The following CNBD2 variants were observed in gnomAD, a reference collection of about 807,000 sequenced individuals.
The protein encoded by CNBD2 is cyclic nucleotide-binding domain-containing protein 2.
A neutral mutation model predicts 63.7 loss-of-function variants in CNBD2; 64 were observed. The ratio of observed to expected loss-of-function variants is 1.00; its 90% CI spans 0.82 to 1.24. The LOEUF (loss-of-function observed/expected upper bound fraction) is 1.24, where lower values mean the gene tolerates loss of function less well. Among genes scored for constraint, CNBD2 ranks in the 50% most tolerant of loss-of-function variants. The probability of loss-of-function intolerance (pLI) is 0.00; values close to 1 mark genes in which losing one functional copy is unlikely to be tolerated. For synonymous variants in CNBD2, 229 were observed against 255.4 expected (o/e 0.90, Z 0.99); for missense variants, 691 against 713.5 (o/e 0.97, Z 0.36).
At position 35,995,315 on chromosome 20, in the gene CNBD2, C is replaced by T. The variant is rs139232230; in HGVS notation, c.970+163C>T. ...AACCCAGTCTGCAAGGCCCTGCCCT[C>T]CTTTCCAGCCTTTTTTTTTTATTGA... On this transcript the variant is annotated intron_variant, in intron 8 of 11. Transcript: ENST00000373973. 5.9e-3 allele frequency among the ~76,000 whole-genome samples: 889 copies of T among 151,636 alleles called. 10 individuals carry two copies. The highest frequency in any genetic ancestry group is 0.01 in the Admixed American group (159 of 15,284).
chr20:35,983,243 A>T (rs1226227981), intron 4 of CNBD2, among the ~76,000 whole-genome samples: 1 of 151,800 alleles, frequency 6.6e-6, no homozygotes, highest in Non-Finnish European at 1.5e-5. Context: ...GCTGGGATTA[A>T]CAGGCGTGTG....
chr20:36,014,798 A>AT (rs1016928514), intron 10 of CNBD2, among the ~76,000 whole-genome samples: 7 of 150,596 alleles, frequency 4.6e-5, no homozygotes, highest in Non-Finnish European at 1.0e-4. Context: ...TGCCCAACTA[A>AT]TTTTTTTTAT....
intron 2 of CNBD2, among the ~76,000 whole-genome samples, chr20:35,975,461 C>T (rs1261320678): frequency 5.2e-5 from 5 of 96,648 alleles, no homozygotes; most frequent in African/African-American, 1.9e-4. Context: ...CTACCACGCC[C>T]GGCTAATTTT....
At chr20:36,017,711 C>T (rs546351756) in intron 10 of CNBD2, among the ~76,000 whole-genome samples, 1 of 152,156 alleles carries the variant, frequency 6.6e-6, no homozygotes, top group Non-Finnish European at 1.5e-5. Context: ...GGCACAGTGC[C>T]AGTGTTCCGT....
At chr20:35,954,499 C>G (rs1456311585), upstream of CNBD2, 6 of 1,540,324 alleles carry the variant, frequency 3.9e-6, no homozygotes, top group Non-Finnish European at 5.3e-6. Flanking sequence ...TCTGGCTTCT[C>G]TGCGTCCAGG....
At chr20:36,006,757 T>C (rs964660085) in intron 8 of CNBD2, among the ~76,000 whole-genome samples, 2 of 152,208 alleles carry the variant, frequency 1.3e-5, no homozygotes, top group African/African-American at 2.4e-5. Flanking sequence ...AATCAAGTTA[T>C]AGAACATTTC....
chr20:36,023,290 C>T (rs896248551), intron 10 of CNBD2, among the ~76,000 whole-genome samples: 3 of 151,974 alleles, frequency 2.0e-5, no homozygotes, highest in Non-Finnish European at 4.4e-5. Context: ...TTTGGGAGAC[C>T]GAGGCGGGTA....
chr20:35,987,845 ATCACT>A (rs1332248336), intron 7 of CNBD2, among the ~76,000 whole-genome samples: 1 of 151,096 alleles, frequency 6.6e-6, no homozygotes, highest in Non-Finnish European at 1.5e-5. Flanking sequence ...GTGATGCCAG[ATCACT>A]TTTAAATTTA....
chr20:36,002,585 C>A (rs1457361337), intron 8 of CNBD2, among the ~76,000 whole-genome samples: 1 of 152,210 alleles, frequency 6.6e-6, no homozygotes, highest in Non-Finnish European at 1.5e-5. Flanking sequence ...GCCACTGCAC[C>A]TGGCCAACAT....
intron 10 of CNBD2, among the ~76,000 whole-genome samples, chr20:36,016,243 G>A (rs142016811): frequency 8.0e-4 from 122 of 152,262 alleles, no homozygotes; most frequent in African/African-American, 2.8e-3. Context: ...ACAGCCAAGA[G>A]GAGCCTAAAG....
In CNBD2 at chr20:35,984,621, C is replaced by T; in HGVS notation, c.565-6C>T. On this transcript the variant is annotated splice_polypyrimidine_tract_variant and splice_region_variant and intron_variant, in intron 5 of 11. Transcript: ENST00000373973. ...CACACTTGCCCTTGCCCTGTCCACC[C>T]AACAGGAAATGGACGTTCTGCATGC... is the stretch of plus-strand genomic sequence containing the variant. 6.2e-7 allele frequency: 1 copy of T among 1,613,790 alleles called. No individual in the cohort carries two copies. Among genetic ancestry groups the T allele is most frequent in the Non-Finnish European group, 8.5e-7 (1 of 1,179,876 alleles).
At chr20:36,009,952 G>A (rs2794371) in intron 9 of CNBD2, among the ~76,000 whole-genome samples, 5,402 of 152,214 alleles carry the variant, frequency 0.035, 331 homozygotes, top group African/African-American at 0.12. Flanking sequence ...ACCAAGGTAC[G>A]GGGAGAGATT....
At chr20:35,999,773 G>A (rs1249641806) in intron 8 of CNBD2, among the ~76,000 whole-genome samples, 2 of 151,820 alleles carry the variant, frequency 1.3e-5, no homozygotes, top group Non-Finnish European at 2.9e-5. Flanking sequence ...CACCTCCTGG[G>A]TTCAAGTGAT....
At chr20:35,968,420 C>CTATGTATG (rs956081072), upstream of CNBD2, among the ~76,000 whole-genome samples, 3 of 152,158 alleles carry the variant, frequency 2.0e-5, no homozygotes, top group African/African-American at 7.2e-5. Context: ...CTTTGAGCCC[C>CTATGTATG]AGTCTCCTAT....
At chr20:35,996,537 T>C (rs2056828308) in intron 8 of CNBD2, among the ~76,000 whole-genome samples, 1 of 149,418 alleles carries the variant, frequency 6.7e-6, no homozygotes, top group South Asian at 2.1e-4. Flanking sequence ...AGACAGAGTC[T>C]CACTCTGTTG....
intron 8 of CNBD2, among the ~76,000 whole-genome samples, chr20:36,002,417 G>A (rs1260004424): frequency 2.0e-5 from 3 of 152,034 alleles, no homozygotes; most frequent in African/African-American, 7.2e-5. Context: ...GAGACCGTGG[G>A]GAGAGGGAGA....
chr20:35,963,172 G>A (rs528388689), intron 2 of CNBD2, among the ~76,000 whole-genome samples: 1 of 150,802 alleles, frequency 6.6e-6, no homozygotes, highest in Non-Finnish European at 1.5e-5. Flanking sequence ...AGTGAGACCA[G>A]ATCTCTACAA....
At chr20:36,012,900 A>G (rs149744076) in intron 10 of CNBD2, among the ~76,000 whole-genome samples, 4 of 152,120 alleles carry the variant, frequency 2.6e-5, no homozygotes, top group East Asian at 3.9e-4. Context: ...TTCCAATTCT[A>G]TGACATTCTG....
At chr20:35,959,405 G>A (rs921690124), downstream of CNBD2, 1 of 152,332 alleles carries the variant, frequency 6.6e-6, no homozygotes, top group Non-Finnish European at 1.5e-5. Flanking sequence ...GACGTTTAAT[G>A]AACTCACAGC....
Sources: gnomAD v4.1 joint callset for allele counts (sites outside exome capture counted in the v4.1 genomes callset) on GRCh38, gnomAD v4.1.1 for gene constraint, MANE v1.5 for transcripts, NCBI Gene and HGNC (gene_info 2026-07-23, HGNC 2026-07-21) for gene names.